Variants in EIF2AK4 observed in about 807,000 individuals in gnomAD.
EIF2AK4 encodes the protein eukaryotic translation initiation factor 2 alpha kinase 4.
In EIF2AK4, 139 loss-of-function variants were observed where a neutral mutation model predicts 211.1. That is an observed-to-expected ratio of 0.66 (90% confidence interval 0.57 to 0.76). The LOEUF (loss-of-function observed/expected upper bound fraction) is 0.76, where lower values mean the gene tolerates loss of function less well. Ranked by LOEUF, EIF2AK4 falls within the 30% of genes least tolerant of loss-of-function variation. The probability of loss-of-function intolerance (pLI) is 0.00; values close to 1 mark genes in which losing one functional copy is unlikely to be tolerated. For missense variants in EIF2AK4, 1,664 were observed against 2,043.8 expected (o/e 0.81, Z 3.58); for synonymous variants, 710 against 751.3 (o/e 0.94, Z 0.90).
At chr15:39,970,098 C>T (rs2034602520) in intron 9 of EIF2AK4, among the ~76,000 whole-genome samples, 1 of 152,174 alleles carries the variant, frequency 6.6e-6, no homozygotes, top group Non-Finnish European at 1.5e-5. Flanking sequence ...GGCACTTGGC[C>T]CAGACTGAGT....
intron 33 of EIF2AK4, 130 bp downstream of exon 33, chr15:40,026,219 C>G (rs2140948950): frequency 1.3e-6 from 1 of 781,658 alleles, no homozygotes; most frequent in Admixed American, 2.6e-5. Context: ...CTTTGGGAGG[C>G]CAAGTTTGGG....
intron 33 of EIF2AK4, among the ~76,000 whole-genome samples, chr15:40,028,480 T>C (rs2035495840): frequency 6.6e-6 from 1 of 152,204 alleles, no homozygotes; most frequent in South Asian, 2.1e-4. Context: ...TGGGGAGTTT[T>C]ACTGGTATCT....
At chr15:40,004,769 G>A (rs1477381536) in intron 23 of EIF2AK4, among the ~76,000 whole-genome samples, 1 of 152,038 alleles carries the variant, frequency 6.6e-6, no homozygotes, top group East Asian at 1.9e-4. Flanking sequence ...TGCCCAGGCT[G>A]GTCTCAAACT....
intron 25 of EIF2AK4, among the ~76,000 whole-genome samples, chr15:40,008,968 T>G (rs1409469410): frequency 1.3e-5 from 2 of 152,220 alleles, no homozygotes; most frequent in Admixed American, 6.5e-5. Context: ...ACTATTCCAC[T>G]GGCCTGTGCT....
Position 39,967,275 on chromosome 15 carries a change from C to T in EIF2AK4, c.1018-69C>T. 2.0e-6 allele frequency: 3 copies of T among 1,464,438 alleles called. No individual in the cohort carries two copies. The South Asian group carries it at 4.2e-5, about 21-fold the overall frequency. The allele number at this position is 1,464,438 out of a possible 1,614,324, so 90.7% of individuals were successfully genotyped here. A position where few individuals can be genotyped will look rare whatever the true frequency, so the allele number is the denominator to read the frequency against. On this transcript the variant is annotated intron_variant, in intron 8 of 38. Transcript: ENST00000263791. The stretch of plus-strand genomic sequence containing the variant: ...CCATCTTGTATGATCAAATACTTCA[C>T]TTTTGAAATGAAACCCAAGTTAATG...
intron 20 of EIF2AK4, among the ~76,000 whole-genome samples, chr15:39,999,830 C>G (rs2035067952): frequency 6.6e-6 from 1 of 152,108 alleles, no homozygotes; most frequent in Admixed American, 6.5e-5. Flanking sequence ...TTCCTTATGA[C>G]AAGGTCAGTC....
rs2034178397 is a variant in EIF2AK4 at position 39,943,492 on chromosome 15, T to C, written c.360+7T>C. 6.4e-7 allele frequency: 1 copy of C among 1,569,828 alleles called. No homozygotes were observed. Among genetic ancestry groups the C allele is most frequent in the African/African-American group, 1.4e-5 (1 of 71,888 alleles). ...CAAGAAACACTGTGGGGAGGTAAGA[T>C]TTGTTAAACTGGAATTAAAAGAAGA... On this transcript the variant is annotated splice_region_variant and intron_variant, in intron 3 of 38. Coordinates refer to ENST00000263791, the MANE Select transcript of EIF2AK4 (RefSeq NM_001013703.4).
chr15:39,976,542 G>A lies in EIF2AK4; in HGVS notation c.1947G>A (p.Val649=). 1 of 1,613,202 alleles carries A rather than the reference G, an allele frequency of 6.2e-7. No individual in the cohort carries two copies. The highest frequency in any genetic ancestry group is 8.5e-7 in the Non-Finnish European group (1 of 1,179,946). Residue 649 remains valine, a synonymous_variant, in exon 12 of 39, where the codon GTG becomes GTA. Coordinates refer to ENST00000263791, the MANE Select transcript of EIF2AK4 (RefSeq NM_001013703.4). The part of the protein sequence containing the change: ...LLSRLHHENI[V]RYYNAWIERH... Reference sequence around the variant, plus strand: ...CACGGCTGCACCATGAGAACATTGTGCGCTACTACAACGCCTGGATCGAGC... The same window carrying A: ...CACGGCTGCACCATGAGAACATTGTACGCTACTACAACGCCTGGATCGAGC...
rs1226436441 is a variant in EIF2AK4 at position 40,008,139 on chromosome 15, A to T, written c.3520A>T (p.Thr1174Ser). The part of the protein sequence containing the change: ...VTSTTNSFLP[T>S]AEIIYTIYEI... ...TTCTACCACCAACAGCTTTCTGCCC[A>T]CTGCTGAAATTATCTACACTATCTA... is the stretch of plus-strand genomic sequence containing the variant. The change falls in exon 25 of 39, where the codon ACT (threonine) becomes TCT (serine). Residue 1174 changes from threonine to serine, a missense_variant. This residue lies in a region of EIF2AK4 where 622 missense variants were observed against 796.8 expected (regional missense o/e 0.78). Transcript: ENST00000263791. 6.2e-7 allele frequency: 1 copy of T among 1,612,688 alleles called. No homozygotes were observed. The highest frequency in any genetic ancestry group is 2.2e-5 in the East Asian group (1 of 44,804).
At chr15:39,987,136 T>G (rs1196237161) in intron 14 of EIF2AK4, among the ~76,000 whole-genome samples, 1 of 152,120 alleles carries the variant, frequency 6.6e-6, no homozygotes, top group African/African-American at 2.4e-5. Flanking sequence ...AAAGCATTGG[T>G]CCCCCAAACC....
intron 33 of EIF2AK4, among the ~76,000 whole-genome samples, chr15:40,028,556 A>G (rs557250724): frequency 6.6e-6 from 1 of 152,164 alleles, no homozygotes; most frequent in South Asian, 2.1e-4. Flanking sequence ...CCAACAGAGA[A>G]TTTTCTGGCC....
At chr15:40,021,073 G>A in intron 31 of EIF2AK4, 46 bp downstream of exon 31, 2 of 1,596,238 alleles carry the variant, frequency 1.3e-6, no homozygotes, top group Non-Finnish European at 1.7e-6. Context: ...AATTGCTATG[G>A]CTTTCATGGC....
In EIF2AK4 at chr15:40,024,161, A is replaced by C. The variant is rs547099108; in HGVS notation, c.4389+1556A>C. Among the ~76,000 whole-genome samples the C allele has an allele frequency of 4.6e-5, 7 of 151,992 alleles. No homozygotes were observed. In the East Asian group the frequency reaches 1.4e-3, roughly 29 times the overall value. Reference sequence around the variant, plus strand: ...CCCTGGTAATATTTCTTGTTCTGAAATCTTTTGGTTAGTGTTTACGTCACT... The same window carrying C: ...CCCTGGTAATATTTCTTGTTCTGAACTCTTTTGGTTAGTGTTTACGTCACT... On this transcript the variant is annotated intron_variant, in intron 32 of 38. Transcript: ENST00000263791.
intron 9 of EIF2AK4, among the ~76,000 whole-genome samples, chr15:39,971,016 A>G (rs1054693657): frequency 3.9e-5 from 6 of 152,198 alleles, no homozygotes; most frequent in Non-Finnish European, 8.8e-5. Context: ...CAGAACTCAC[A>G]ACGACAGTTG....
At chr15:39,972,493 C>T (rs999312798) in intron 9 of EIF2AK4, among the ~76,000 whole-genome samples, 1 of 152,180 alleles carries the variant, frequency 6.6e-6, no homozygotes, top group African/African-American at 2.4e-5. Context: ...TACTGAGCCA[C>T]TCTGCTGCAC....
intron 13 of EIF2AK4, among the ~76,000 whole-genome samples, chr15:39,982,456 G>A (rs891684475): frequency 1.3e-5 from 2 of 152,146 alleles, no homozygotes; most frequent in African/African-American, 4.8e-5. Flanking sequence ...TCATTGTTCT[G>A]TGTAGCAACA....
At chr15:40,019,294 G>A in intron 30 of EIF2AK4, 94 bp downstream of exon 30, 1 of 923,978 alleles carries the variant, frequency 1.1e-6, no homozygotes, top group African/African-American at 1.7e-5. Context: ...TGGGGCTTCT[G>A]ATGTGAAAGC....
At chr15:39,950,897 C>T (rs1028037518) in intron 4 of EIF2AK4, among the ~76,000 whole-genome samples, 13 of 152,090 alleles carry the variant, frequency 8.5e-5, no homozygotes, top group African/African-American at 3.1e-4. Flanking sequence ...ACAGGTTTAT[C>T]TATAATTATT....
chr15:40,027,900 A>C lies in EIF2AK4; in HGVS notation c.4503-1506A>C, dbSNP rs191923138. Among the ~76,000 whole-genome samples the C allele has an allele frequency of 5.5e-3, 832 of 151,802 alleles. 7 individuals are homozygous for C. The highest frequency in any genetic ancestry group is 0.018 in the Admixed American group (271 of 15,228). On this transcript the variant is annotated intron_variant, in intron 33 of 38. Coordinates refer to ENST00000263791, the MANE Select transcript of EIF2AK4 (RefSeq NM_001013703.4). ...GCGAGACTCTGTCTCAAAAAAAAAA[A>C]CAAAAAGAACAACAACAACAACGAA...
Sources: allele counts gnomAD v4.1 joint callset (sites outside exome capture counted in the v4.1 genomes callset), GRCh38; gene constraint gnomAD v4.1.1; regional missense constraint gnomAD v4.1.1; transcripts MANE v1.5; gene names NCBI Gene and HGNC (gene_info 2026-07-23, HGNC 2026-07-21).